Variants in TBX15 observed in about 807,000 individuals in gnomAD.
The protein encoded by TBX15 is T-box transcription factor TBX15.
Under a neutral mutation model 53.9 loss-of-function variants are expected in TBX15, and 18 were observed. The observed-to-expected ratio is 0.33, with a 90% CI of 0.23 to 0.49. The LOEUF (loss-of-function observed/expected upper bound fraction) is 0.49. TBX15 is among the 20% of genes least tolerant of loss of function. The pLI is 0.98. For missense variants in TBX15, 692 were observed against 749.5 expected (o/e 0.92, Z 0.90); for synonymous variants, 295 against 278.0 (o/e 1.06, Z -0.61).
chr1:118,914,396 G>A (rs1292221443), intron 5 of TBX15, among the ~76,000 whole-genome samples: 1 of 152,056 alleles, frequency 6.6e-6, no homozygotes, highest in Non-Finnish European at 1.5e-5. Flanking sequence ...ACTAAAATTT[G>A]CCCAGTATGT....
intron 2 of TBX15, 48 bp from the exon 3 acceptor site, chr1:118,926,659 G>C (rs768148828): frequency 6.7e-7 from 1 of 1,493,478 alleles, no homozygotes; most frequent in Non-Finnish European, 9.3e-7. Flanking sequence ...GGTGGGAGAA[G>C]TAGCAGGGGT....
chr1:118,890,896 T>C (rs1303728777), intron 7 of TBX15: 1 of 1,304,088 alleles, frequency 7.7e-7, no homozygotes, highest in South Asian at 1.2e-5. Flanking sequence ...TCTTCTCTCG[T>C]ATAATTCAAT....
intron 2 of TBX15, among the ~76,000 whole-genome samples, chr1:118,929,621 G>A (rs1655715313): frequency 1.3e-5 from 2 of 152,192 alleles, no homozygotes; most frequent in African/African-American, 4.8e-5. Context: ...TGGGGAATGT[G>A]TAGAGTATCC....
At chr1:118,973,481 C>A (rs532520485) in intron 1 of TBX15, among the ~76,000 whole-genome samples, 6 of 151,664 alleles carry the variant, frequency 4.0e-5, no homozygotes, top group African/African-American at 1.5e-4. Flanking sequence ...TCAGAAAAGG[C>A]GCTGAATAAA....
intron 1 of TBX15, among the ~76,000 whole-genome samples, chr1:118,933,815 T>A (rs1267823442): frequency 6.6e-6 from 1 of 152,204 alleles, no homozygotes; most frequent in African/African-American, 2.4e-5. Flanking sequence ...AAAAGATTTT[T>A]AAAATATATT....
intron 5 of TBX15, among the ~76,000 whole-genome samples, chr1:118,915,214 T>A (rs1431327772): frequency 1.3e-5 from 2 of 152,186 alleles, no homozygotes; most frequent in Non-Finnish European, 2.9e-5. Context: ...GCACTCCCAA[T>A]GCAAGGTGAT....
At chr1:118,979,461 A>G (rs180730989) in intron 1 of TBX15, among the ~76,000 whole-genome samples, 39 of 152,012 alleles carry the variant, frequency 2.6e-4, no homozygotes, top group African/African-American at 8.7e-4. Context: ...AAGTTCTTCA[A>G]GCCAGCGGAT....
rs1402257664 is a variant in TBX15 at position 118,987,542 on chromosome 1, C to T, written c.205+49G>A. On this transcript the variant is annotated intron_variant, in intron 1 of 7. Coordinates refer to ENST00000369429, the MANE Select transcript of TBX15 (RefSeq NM_001330677.2). ...CACCCGCGACCGGCGACTGGCCCTT[C>T]GGCGTCCCCTCTCCGCCCGCCTCCC... 2.6e-6 allele frequency: 4 copies of T among 1,521,272 alleles called. No individual in the cohort carries two copies. In the Admixed American group the frequency reaches 6.2e-5, roughly 23 times the overall value. The allele number at this position is 1,521,272 out of a possible 1,614,324, so 94.2% of individuals were successfully genotyped here.
At chr1:118,905,655 C>T (rs1263128955) in intron 6 of TBX15, among the ~76,000 whole-genome samples, 1 of 152,294 alleles carries the variant, frequency 6.6e-6, no homozygotes, top group East Asian at 1.9e-4. Flanking sequence ...TGGCATAAGC[C>T]ACCCATGCCA....
At chr1:118,960,778 A>G (rs564347709) in intron 1 of TBX15, among the ~76,000 whole-genome samples, 18 of 152,290 alleles carry the variant, frequency 1.2e-4, no homozygotes, top group East Asian at 5.8e-4. Context: ...CTCTGACTCA[A>G]TCATCCCCAG....
At chr1:118,933,457 C>T (rs995395520) in intron 1 of TBX15, among the ~76,000 whole-genome samples, 3 of 72,578 alleles carry the variant, frequency 4.1e-5, no homozygotes, top group Admixed American at 1.3e-4. Context: ...CTCTGCCCCC[C>T]ACCCACAAAA....
chr1:118,889,904 G>A (rs1354631771), intron 7 of TBX15, among the ~76,000 whole-genome samples: 1 of 152,058 alleles, frequency 6.6e-6, no homozygotes, highest in Non-Finnish European at 1.5e-5. Flanking sequence ...TCAAAGCATT[G>A]GGATTACAGG....
intron 7 of TBX15, among the ~76,000 whole-genome samples, chr1:118,891,967 T>C (rs1346445353): frequency 1.3e-5 from 2 of 152,148 alleles, no homozygotes; most frequent in Admixed American, 6.5e-5. Context: ...AATTCCACTA[T>C]GAATCTGAAG....
chr1:118,931,756 G>A lies in TBX15; in HGVS notation c.282C>T (p.Asp94=), dbSNP rs751724978. The A allele has an allele frequency of 2.5e-6, 4 of 1,612,996 alleles. No homozygotes were observed. Among genetic ancestry groups the A allele is most frequent in the Admixed American group, 3.3e-5 (2 of 59,896 alleles). Residue 94 remains aspartate (D), a synonymous_variant, in exon 2 of 8, where the codon GAC becomes GAT. Transcript: ENST00000369429. The stretch of plus-strand genomic sequence containing the variant: ...CAGGGCCTGCAGCACCAGAGGCCAG[G>A]TCAGTGTGAGTACTGAAGGAGCAGG... ...RTSCSFSTHT[D]LASGAAGPVP...
intron 1 of TBX15, among the ~76,000 whole-genome samples, chr1:118,950,585 G>A (rs950664646): frequency 5.3e-5 from 8 of 152,180 alleles, no homozygotes; most frequent in Non-Finnish European, 1.0e-4. Flanking sequence ...GCCAGGCTGC[G>A]GCCTTCCCAG....
rs556953952 is a variant in TBX15 at position 118,940,892 on chromosome 1, G to A, written c.206-9060C>T. ...ATGAACACACAGACAGTGCATAAATGGAATAATCAAAAATTGGCCACAAGC... is the reference window on the plus strand; with the variant it reads ...ATGAACACACAGACAGTGCATAAATAGAATAATCAAAAATTGGCCACAAGC... On this transcript the variant is annotated intron_variant, in intron 1 of 7. Transcript: ENST00000369429. 4.0e-5 allele frequency among the ~76,000 whole-genome samples: 6 copies of A among 150,658 alleles called. No individual in the cohort carries two copies. In the South Asian group the frequency reaches 1.2e-3, roughly 31 times the overall value.
At chr1:118,897,666 A>G (rs553088164) in intron 7 of TBX15, among the ~76,000 whole-genome samples, 1 of 152,294 alleles carries the variant, frequency 6.6e-6, no homozygotes, top group South Asian at 2.1e-4. Flanking sequence ...AATGTAGAGA[A>G]TTCATGACCA....
At chr1:118,982,501 A>T (rs189122719) in intron 1 of TBX15, among the ~76,000 whole-genome samples, 1 of 152,332 alleles carries the variant, frequency 6.6e-6, no homozygotes, top group Admixed American at 6.5e-5. Context: ...CTTGTGGCCT[A>T]ATATGAGGGT....
chr1:118,972,011 T>C (rs1657248469), intron 1 of TBX15, among the ~76,000 whole-genome samples: 1 of 152,226 alleles, frequency 6.6e-6, no homozygotes, highest in Non-Finnish European at 1.5e-5. Flanking sequence ...GAGGAGCTGA[T>C]AATGATGGCC....
Sources: gnomAD v4.1 joint callset for allele counts (sites outside exome capture counted in the v4.1 genomes callset) on GRCh38, gnomAD v4.1.1 for gene constraint, MANE v1.5 for transcripts, NCBI Gene and HGNC (gene_info 2026-07-23, HGNC 2026-07-21) for gene names.